The following RC3H1 variants were observed in gnomAD, a reference collection of about 807,000 sequenced individuals.
RC3H1 encodes roquin-1.
In RC3H1, 50 loss-of-function variants were observed where a neutral mutation model predicts 138.2. That is an observed-to-expected ratio of 0.36 (90% CI 0.29 to 0.46). The LOEUF is 0.46. Ranked by LOEUF, RC3H1 falls within the 20% of genes least tolerant of loss-of-function variation. The pLI, the probability that RC3H1 is intolerant of heterozygous loss-of-function variation, is 1.00. For synonymous variants in RC3H1, 462 were observed against 489.1 expected (o/e 0.94, Z 0.73); for missense variants, 1,031 against 1,388.1 (o/e 0.74, Z 4.09).
intron 3 of RC3H1, 144 bp from the exon 4 acceptor site, chr1:173,983,801 A>G (rs1660916122): frequency 1.3e-6 from 1 of 746,470 alleles, no homozygotes; most frequent in Non-Finnish European, 2.2e-6. Context: ...ATAAAACCAC[A>G]CATGTAAAGC....
At position 173,938,414 on chromosome 1, in the gene RC3H1, A is replaced by T. The variant is rs1044824285; in HGVS notation, c.*307T>A. ...TGTATATATAATATCTTTTTTTTTT[A>T]AAGCCCTGGATCCAAGGCGTCCAAA... On this transcript the variant is annotated 3_prime_UTR_variant, in exon 20 of 20. Coordinates refer to ENST00000367696, the MANE Select transcript of RC3H1 (RefSeq NM_172071.4). 47 of 184,108 alleles carry T rather than the reference A, an allele frequency of 2.6e-4. No individual in the cohort carries two copies. The highest frequency in any genetic ancestry group is 2.1e-3 in the Middle Eastern group (1 of 466). The allele number at this position is 184,108 out of a possible 1,614,324, so 11.4% of individuals were successfully genotyped here.
At chr1:173,972,400 C>T (rs1571207591) in intron 8 of RC3H1, 109 bp downstream of exon 8, 2 of 693,234 alleles carry the variant, frequency 2.9e-6, no homozygotes, top group East Asian at 5.0e-5. Context: ...TCAAAATGTT[C>T]ATGTTATCTT....
intron 6 of RC3H1, among the ~76,000 whole-genome samples, chr1:173,979,604 C>T (rs919872618): frequency 5.3e-5 from 8 of 152,024 alleles, no homozygotes; most frequent in African/African-American, 1.2e-4. Context: ...TGCAGTGAGC[C>T]GAGATAGTGC....
chr1:174,021,512 T>C (rs1208739578), intron 1 of RC3H1, among the ~76,000 whole-genome samples: 5 of 151,864 alleles, frequency 3.3e-5, no homozygotes, highest in Admixed American at 3.3e-4. Context: ...TAAAGACACC[T>C]GCACACACAC....
intron 8 of RC3H1, 40 bp from the exon 9 acceptor site, chr1:173,970,657 C>A: frequency 7.8e-7 from 1 of 1,283,188 alleles, no homozygotes; most frequent in Non-Finnish European, 1.1e-6. Context: ...TAATAACCCC[C>A]CACAAAAAAA....
chr1:173,970,702 A>G, intron 8 of RC3H1, 85 bp from the exon 9 acceptor site: 1 of 806,698 alleles, frequency 1.2e-6, no homozygotes, highest in Non-Finnish European at 2.0e-6. Context: ...GGATCTTGAT[A>G]ATCTAGATAA....
chr1:173,963,988 C>G lies in RC3H1; in HGVS notation c.1816G>C (p.Ala606Pro). Reference sequence around the variant, plus strand: ...AAATCGTTACCCTGCTGATAAGGTGCTGGTTCAAATGGCGGAGCTGCTCCT... The same window carrying G: ...AAATCGTTACCCTGCTGATAAGGTGGTGGTTCAAATGGCGGAGCTGCTCCT... The part of the protein sequence containing the change: ...PRGAAPPFEP[A>P]PYQQGMYYTP... Residue 606 changes from alanine to proline, a missense_variant, in exon 11 of 20, where the codon GCA becomes CCA. Coordinates refer to ENST00000367696, the MANE Select transcript of RC3H1 (RefSeq NM_172071.4). 1.2e-6 allele frequency: 2 copies of G among 1,613,994 alleles called. No homozygotes were observed. The highest frequency in any genetic ancestry group is 1.7e-6 in the Non-Finnish European group (2 of 1,179,956).
rs916182897 is a variant in RC3H1 at position 173,964,049 on chromosome 1, T to A, written c.1755A>T (p.Pro585=). 6 of 1,614,056 alleles carry A rather than the reference T, an allele frequency of 3.7e-6. No homozygotes were observed. The highest frequency in any genetic ancestry group is 5.1e-6 in the Non-Finnish European group (6 of 1,180,036). ...QMVPRGSQLY[P]AQQTDVYYQD... ...GATAATAAACATCCGTCTGTTGTGC[T>A]GGATATAACTGAGAACCTCGAGGTA... The change falls in exon 11 of 20, where the codon CCA becomes CCT. Residue 585 remains proline, a synonymous_variant. Transcript: ENST00000367696.
chr1:173,937,544 T>A lies in RC3H1; in HGVS notation c.*1177A>T, dbSNP rs1283343734. ...AAAAAAAAAAAAAACCTTACTCTTT[T>A]CAATATTTTCATGAAGAAACATTTG... On this transcript the variant is annotated 3_prime_UTR_variant, in exon 20 of 20. Transcript: ENST00000367696. 1 of 152,396 alleles carries A rather than the reference T, an allele frequency of 6.6e-6. No homozygotes were observed. The highest frequency in any genetic ancestry group is 1.9e-4 in the East Asian group (1 of 5,194). The allele number at this position is 152,396 out of a possible 1,614,324, so 9.4% of individuals were successfully genotyped here. A position where few individuals can be genotyped will look rare whatever the true frequency, so the allele number is the denominator to read the frequency against.
In RC3H1 at chr1:173,992,736, A is replaced by C. The variant is rs775762062; in HGVS notation, c.231+19T>G. The stretch of plus-strand genomic sequence containing the variant: ...GAGAGAGAGGGAGAAATTTAAAAGT[A>C]TTAAGTCACCCATCCTACCTGAGCA... On this transcript the variant is annotated intron_variant, in intron 2 of 19. Coordinates refer to ENST00000367696, the MANE Select transcript of RC3H1 (RefSeq NM_172071.4). The C allele has an allele frequency of 6.4e-7, 1 of 1,565,352 alleles. No individual in the cohort carries two copies. The highest frequency in any genetic ancestry group is 1.7e-5 in the Admixed American group (1 of 59,570).
intron 1 of RC3H1, among the ~76,000 whole-genome samples, chr1:173,996,823 C>T (rs536489430): frequency 1.4e-4 from 21 of 152,276 alleles, no homozygotes; most frequent in African/African-American, 5.1e-4. Context: ...ACTCCCAGTG[C>T]TCTCCTTACT....
intron 1 of RC3H1, among the ~76,000 whole-genome samples, chr1:174,015,109 T>TAATTTGC (rs1661835637): frequency 6.6e-6 from 1 of 152,204 alleles, no homozygotes; most frequent in African/African-American, 2.4e-5. Context: ...CTCCAACATC[T>TAATTTGC]AATTTGCACC....
intron 14 of RC3H1, among the ~76,000 whole-genome samples, chr1:173,951,330 C>CA (rs112824373): frequency 6.6e-6 from 1 of 151,448 alleles, no homozygotes; most frequent in Non-Finnish European, 1.5e-5. Flanking sequence ...CATCCCCCCC[C>CA]CAAAAAAAGA....
At position 173,964,847 on chromosome 1, in the gene RC3H1, A is replaced by G. The variant is rs1660036502; in HGVS notation, c.1608T>C (p.Pro536=). ...TTAGAAAAATGACGTACAGGTCAGG[A>G]GGGGATCCAGGAGCACTACTGCTCA... The part of the protein sequence containing the change: ...DHLSSSAPGS[P]PDLLESVPKS... The change falls in exon 10 of 20, where the codon CCT becomes CCC. Residue 536 remains proline (P), a synonymous_variant. Coordinates refer to ENST00000367696, the MANE Select transcript of RC3H1 (RefSeq NM_172071.4). 6.2e-7 allele frequency: 1 copy of G among 1,613,908 alleles called. No homozygotes were observed. The highest frequency in any genetic ancestry group is 8.5e-7 in the Non-Finnish European group (1 of 1,179,932).
chr1:173,962,421 G>A (rs939248829), intron 11 of RC3H1, among the ~76,000 whole-genome samples: 1 of 152,172 alleles, frequency 6.6e-6, no homozygotes, highest in Non-Finnish European at 1.5e-5. Context: ...TTGAAGTCAG[G>A]TTCCACAAAT....
chr1:173,989,366 T>C (rs563993912), intron 2 of RC3H1, among the ~76,000 whole-genome samples: 2 of 151,370 alleles, frequency 1.3e-5, no homozygotes, highest in Non-Finnish European at 2.9e-5. Context: ...CAGCAAAAAA[T>C]TTTTTTTTGT....
chr1:173,971,482 T>C (rs996631867), intron 8 of RC3H1, among the ~76,000 whole-genome samples: 3 of 152,174 alleles, frequency 2.0e-5, no homozygotes, highest in African/African-American at 7.2e-5. Context: ...CTTAAAATAG[T>C]TCCAAAAGTA....
At chr1:174,005,963 T>C (rs541083136) in intron 1 of RC3H1, among the ~76,000 whole-genome samples, 78 of 152,268 alleles carry the variant, frequency 5.1e-4, no homozygotes, top group Middle Eastern at 6.8e-3. Context: ...CCCAGCACTT[T>C]GGAAGGCCAA....
At chr1:173,999,000 G>A (rs371350059) in intron 1 of RC3H1, among the ~76,000 whole-genome samples, 1 of 151,918 alleles carries the variant, frequency 6.6e-6, no homozygotes, top group Non-Finnish European at 1.5e-5. Flanking sequence ...AGGCTGAGGT[G>A]GGAGGTATGC....
Sources: allele counts gnomAD v4.1 joint callset (sites outside exome capture counted in the v4.1 genomes callset), GRCh38; gene constraint gnomAD v4.1.1; transcripts MANE v1.5; gene names NCBI Gene and HGNC (gene_info 2026-07-23, HGNC 2026-07-21).